The following RAB27B variants were observed in gnomAD, a reference collection of about 807,000 sequenced individuals.
RAB27B encodes ras-related protein Rab-27B.
A neutral mutation model predicts 24.6 loss-of-function variants in RAB27B; 15 were observed. The observed-to-expected ratio is 0.61, with a 90% CI of 0.41 to 0.94. The LOEUF (loss-of-function observed/expected upper bound fraction) is 0.94. RAB27B is among the 40% of genes least tolerant of loss of function. The pLI, the probability that RAB27B is intolerant of heterozygous loss-of-function variation, is 0.00. For missense variants in RAB27B, 261 were observed against 266.8 expected, an observed-to-expected ratio of 0.98 and a Z score of 0.15; for synonymous variants, 105 against 92.5, an observed-to-expected ratio of 1.14 and a Z score of -0.78.
chr18:54,766,046 C>T lies in RAB27B; in HGVS notation c.-20+47905C>T, dbSNP rs190505529. On this transcript the variant is annotated intron_variant, in intron 2 of 4. Coordinates refer to the RAB27B transcript ENST00000586570. ...TATTTTGAAAACACCAACTTTTTGG[C>T]GAAGACACATTTTTAGAATGAATGG... 7.9e-5 allele frequency among the ~76,000 whole-genome samples: 12 copies of T among 152,200 alleles called. No homozygotes were observed. In the East Asian group the frequency reaches 2.1e-3, roughly 27 times the overall value.
chr18:54,728,119 A>G (rs1187604592), intron 2 of RAB27B, among the ~76,000 whole-genome samples: 2 of 152,222 alleles, frequency 1.3e-5, no homozygotes, highest in Non-Finnish European at 2.9e-5. Context: ...ATATACCAAC[A>G]GGCTCCAGAT....
intron 1 of RAB27B, among the ~76,000 whole-genome samples, chr18:54,869,440 C>T (rs1259642368): frequency 6.6e-6 from 1 of 152,176 alleles, no homozygotes; most frequent in Non-Finnish European, 1.5e-5. Flanking sequence ...AAGAATGTTC[C>T]TTGAGCAAAT....
At chr18:54,848,311 A>G (rs1911419071) in intron 1 of RAB27B, among the ~76,000 whole-genome samples, 1 of 152,362 alleles carries the variant, frequency 6.6e-6, no homozygotes, top group East Asian at 1.9e-4. Context: ...TGGCTGTCTC[A>G]TAACTGCATT....
intron 2 of RAB27B, among the ~76,000 whole-genome samples, chr18:54,775,965 C>T (rs1320526618): frequency 6.6e-6 from 1 of 152,226 alleles, no homozygotes; most frequent in Non-Finnish European, 1.5e-5. Flanking sequence ...AATTATAAGA[C>T]TTGCTGGCAT....
intron 2 of RAB27B, among the ~76,000 whole-genome samples, chr18:54,721,107 T>C (rs2075182351): frequency 6.6e-6 from 1 of 152,090 alleles, no homozygotes. Context: ...AGAGAAAAGG[T>C]TTTGTTGTTT....
chr18:54,859,787 G>A (rs183141487), intron 1 of RAB27B, among the ~76,000 whole-genome samples: 4 of 152,310 alleles, frequency 2.6e-5, no homozygotes, highest in East Asian at 1.9e-4. Flanking sequence ...GTGGTCAATC[G>A]ATTAGGTTAC....
intron 2 of RAB27B, among the ~76,000 whole-genome samples, chr18:54,794,245 A>T (rs1449287990): frequency 6.6e-6 from 1 of 152,244 alleles, no homozygotes; most frequent in Non-Finnish European, 1.5e-5. Context: ...CTAAGAAAAC[A>T]CTAGATAATA....
At chr18:54,880,235 G>T (rs1045958014) in intron 3 of RAB27B, 1 of 152,088 alleles carries the variant, frequency 6.6e-6, no homozygotes, top group African/African-American at 2.4e-5. Context: ...ATTGTCTCTG[G>T]TACAGTGTCC....
intron 1 of RAB27B, among the ~76,000 whole-genome samples, chr18:54,843,618 A>G (rs1911205261): frequency 6.6e-6 from 1 of 152,206 alleles, no homozygotes; most frequent in South Asian, 2.1e-4. Context: ...CAGCTGGGCC[A>G]AGGGTCTGAT....
intron 2 of RAB27B, among the ~76,000 whole-genome samples, chr18:54,768,238 G>A (rs889931612): frequency 2.0e-5 from 3 of 152,024 alleles, no homozygotes; most frequent in Non-Finnish European, 2.9e-5. Context: ...GGTGTGTTAC[G>A]GGAACACAAA....
chr18:54,808,771 T>C (rs534037128), intron 2 of RAB27B, among the ~76,000 whole-genome samples: 1 of 152,326 alleles, frequency 6.6e-6, no homozygotes, highest in East Asian at 1.9e-4. Flanking sequence ...TACATACAGT[T>C]AAAGACTCCC....
At chr18:54,867,442 C>CTTTTTTTTTTTTTTT (rs548288719) in intron 1 of RAB27B, among the ~76,000 whole-genome samples, 22 of 98,752 alleles carry the variant, frequency 2.2e-4, no homozygotes, top group East Asian at 5.9e-4. Flanking sequence ...CTTTTCTTTT[C>CTTTTTTTTTTTTTTT]TTTTTTTTTT....
At chr18:54,758,594 A>G (rs929493671) in intron 2 of RAB27B, among the ~76,000 whole-genome samples, 3 of 151,180 alleles carry the variant, frequency 2.0e-5, no homozygotes, top group African/African-American at 7.3e-5. Context: ...TTGGTAGACA[A>G]TGATGTCTCT....
chr18:54,867,550 G>T (rs1011548400), intron 1 of RAB27B, among the ~76,000 whole-genome samples: 1 of 148,468 alleles, frequency 6.7e-6, no homozygotes. Context: ...GGGTTCAAGC[G>T]ATTCTTCTGC....
At position 54,730,048 on chromosome 18, in the gene RAB27B, G is replaced by A. The variant is rs143114829; in HGVS notation, c.-20+11907G>A. On this transcript the variant is annotated intron_variant, in intron 2 of 4. Coordinates refer to the RAB27B transcript ENST00000586570. ...TTTTTAGGTAAACTCATGCTCACCA[G>A]TTTACTTAATATAAAATTTTCTGGT... Among the ~76,000 whole-genome samples, 898 of 152,128 alleles carry A rather than the reference G, an allele frequency of 5.9e-3. 7 individuals are homozygous for A. The highest frequency in any genetic ancestry group is 0.021 in the African/African-American group (854 of 41,500).
chr18:54,784,664 C>T (rs80294506), intron 2 of RAB27B, among the ~76,000 whole-genome samples: 92 of 152,286 alleles, frequency 6.0e-4, no homozygotes, highest in African/African-American at 2.1e-3. Context: ...TTTATGGCTG[C>T]GTAGTATTCC....
intron 2 of RAB27B, among the ~76,000 whole-genome samples, chr18:54,789,602 A>G (rs901847760): frequency 6.6e-6 from 1 of 152,108 alleles, no homozygotes; most frequent in African/African-American, 2.4e-5. Context: ...TTCCAACACA[A>G]AATAATGTTT....
rs555279008 is a variant in RAB27B at position 54,891,757 on chromosome 18, T to C, written c.*2344T>C. The C allele has an allele frequency of 3.9e-5, 6 of 152,220 alleles. No individual in the cohort carries two copies. The East Asian group carries it at 1.2e-3, about 29-fold the overall frequency. The allele number at this position is 152,220 out of a possible 1,614,324, so 9.4% of individuals were successfully genotyped here. A position where few individuals can be genotyped will look rare whatever the true frequency, so the allele number is the denominator to read the frequency against. ...ATGAGTGTTTTTTCAGGGTCTGTTT[T>C]AAGATCATTATTTGATAGCTGTAGC... On this transcript the variant is annotated 3_prime_UTR_variant, in exon 6 of 6. Coordinates refer to ENST00000262094, the MANE Select transcript of RAB27B (RefSeq NM_004163.4).
intron 1 of RAB27B, among the ~76,000 whole-genome samples, chr18:54,833,230 C>CT (rs759972968): frequency 2.2e-3 from 206 of 94,738 alleles, no homozygotes; most frequent in African/African-American, 8.0e-3. Flanking sequence ...TTTTTTCTTT[C>CT]TTTCTTTTTT....
Sources: gnomAD v4.1 joint callset for allele counts (sites outside exome capture counted in the v4.1 genomes callset) on GRCh38, gnomAD v4.1.1 for gene constraint, MANE v1.5 for transcripts, NCBI Gene and HGNC (gene_info 2026-07-23, HGNC 2026-07-21) for gene names.